Variants in PRH1 observed in about 807,000 individuals in gnomAD.
PRH1 encodes the protein salivary acidic proline-rich phosphoprotein 1/2.
Under a neutral mutation model 7.9 loss-of-function variants are expected in PRH1, and 7 were observed. That is an observed-to-expected ratio of 0.89 (90% CI 0.50 to 1.67). The LOEUF (loss-of-function observed/expected upper bound fraction) is 1.67, where lower values mean the gene tolerates loss of function less well. PRH1 is among the 40% of genes most tolerant of loss of function. The probability of loss-of-function intolerance (pLI) is 0.00; values close to 1 mark genes in which losing one functional copy is unlikely to be tolerated. For missense variants in PRH1, 109 were observed against 223.6 expected (o/e 0.49, Z 3.27); for synonymous variants, 45 against 80.8 (o/e 0.56, Z 2.38).
intron 1 of PRH1, among the ~76,000 whole-genome samples, chr12:11,037,273 T>A (rs1398948233): frequency 1.3e-5 from 2 of 152,230 alleles, no homozygotes; most frequent in East Asian, 3.8e-4. Context: ...TTCTTAGCTA[T>A]GGTGACTAAA....
chr12:10,992,707 CAG>C (rs1382294214), intron 1 of PRH1, among the ~76,000 whole-genome samples: 1 of 152,162 alleles, frequency 6.6e-6, no homozygotes, highest in East Asian at 1.9e-4. Context: ...GCCACCTCAC[CAG>C]TCCTGGAGTA....
intron 1 of PRH1, among the ~76,000 whole-genome samples, chr12:10,993,410 A>G (rs1001310344): frequency 2.6e-5 from 4 of 152,192 alleles, no homozygotes; most frequent in Non-Finnish European, 5.9e-5. Flanking sequence ...GGAAGTGATG[A>G]GTTTCTCAAA....
rs367739908 is a variant in PRH1 at position 10,926,576 on chromosome 12, G to A, written c.-58-42301C>T. ...AAATGATCACTCTGATTGTCGTGAG[G>A]GAACTGATATGGGATGTACTGGGGG... On this transcript the variant is annotated intron_variant, in intron 2 of 3. Coordinates refer to the PRH1 transcript ENST00000539853. Among the ~76,000 whole-genome samples, 32 of 152,268 alleles carry A rather than the reference G, an allele frequency of 2.1e-4. No individual in the cohort carries two copies. The South Asian group carries it at 6.2e-3, about 30-fold the overall frequency.
At chr12:10,997,895 T>TA (rs1411941601) in intron 1 of PRH1, 7 of 1,539,670 alleles carry the variant, frequency 4.5e-6, no homozygotes, top group African/African-American at 2.8e-5. Flanking sequence ...AAAAAGCAAG[T>TA]AAAAAATTCA....
chr12:11,141,176 C>T lies in PRH1; in HGVS notation n.40-19996G>A, dbSNP rs746808856. Among the ~76,000 whole-genome samples the T allele has an allele frequency of 2.0e-5, 3 of 152,102 alleles. No individual in the cohort carries two copies. The East Asian group carries it at 5.8e-4, about 29-fold the overall frequency. Reference sequence around the variant, plus strand: ...AAATAGCCCTATTTTCCCATTTGGGCTTTTTGACCCATTTTCAATATTTAT... The same window carrying T: ...AAATAGCCCTATTTTCCCATTTGGGTTTTTTGACCCATTTTCAATATTTAT... On this transcript the variant is annotated intron_variant and non_coding_transcript_variant, in intron 1 of 1. Transcript: ENST00000541175.
At chr12:11,019,445 C>G (rs1296002067) in intron 1 of PRH1, among the ~76,000 whole-genome samples, 1 of 152,282 alleles carries the variant, frequency 6.6e-6, no homozygotes, top group Non-Finnish European at 1.5e-5. Context: ...GACATTGGCT[C>G]TAGTTTTAGA....
chr12:11,126,924 T>G (rs1238868031), intron 1 of PRH1, among the ~76,000 whole-genome samples: 1 of 151,584 alleles, frequency 6.6e-6, no homozygotes, highest in African/African-American at 2.4e-5. Context: ...ATTACTGTTA[T>G]GGAAAATAAT....
chr12:11,017,098 C>G (rs2136056032), intron 1 of PRH1, among the ~76,000 whole-genome samples: 1 of 152,398 alleles, frequency 6.6e-6, no homozygotes, highest in African/African-American at 2.4e-5. Context: ...GAGCTCCTGG[C>G]AGTTTGCATG....
Position 11,162,234 on chromosome 12 carries a change from C to T in PRH1, n.39+9188G>A, listed in dbSNP as rs999434133. On this transcript the variant is annotated intron_variant and non_coding_transcript_variant, in intron 1 of 1. Transcript: ENST00000541175. ...AGACACAGGGACTAATCAGGAACTT[C>T]CCTGTAAATCCAGGGCAGGCGACTC... 3.3e-5 allele frequency among the ~76,000 whole-genome samples: 5 copies of T among 152,094 alleles called. No homozygotes were observed. In the South Asian group the frequency reaches 1.0e-3, roughly 32 times the overall value.
intron 2 of PRH1, among the ~76,000 whole-genome samples, chr12:10,941,426 C>T (rs1278895453): frequency 6.6e-6 from 1 of 152,168 alleles, no homozygotes; most frequent in East Asian, 1.9e-4. Flanking sequence ...TGTCTTAATC[C>T]ATTTCAGTGT....
At chr12:11,169,578 A>G (rs1947749225) in intron 1 of PRH1, among the ~76,000 whole-genome samples, 1 of 152,132 alleles carries the variant, frequency 6.6e-6, no homozygotes, top group African/African-American at 2.4e-5. Context: ...AAAGAGGAAT[A>G]GAAGACAGAA....
chr12:11,148,266 G>C (rs1434996008), intron 1 of PRH1, among the ~76,000 whole-genome samples: 1 of 151,534 alleles, frequency 6.6e-6, no homozygotes, highest in Non-Finnish European at 1.5e-5. Flanking sequence ...TTTCCTAATT[G>C]AATACCCTTT....
chr12:10,985,952 G>T, intron 1 of PRH1: 1 of 1,596,452 alleles, frequency 6.3e-7, no homozygotes, highest in Non-Finnish European at 8.5e-7. Flanking sequence ...AGAGTTTCAG[G>T]TCTTTTACTC....
intron 2 of PRH1, among the ~76,000 whole-genome samples, chr12:10,968,134 A>G (rs900327079): frequency 7.2e-5 from 11 of 152,202 alleles, no homozygotes; most frequent in African/African-American, 2.7e-4. Flanking sequence ...TAGATTGATC[A>G]TGAAATGGTT....
intron 1 of PRH1, among the ~76,000 whole-genome samples, chr12:11,032,385 A>G (rs1942264111): frequency 6.6e-6 from 1 of 152,214 alleles, no homozygotes. Flanking sequence ...TGCTTTTATC[A>G]AAGGCATCTC....
At chr12:11,134,154 T>G in intron 1 of PRH1, 1 of 1,614,046 alleles carries the variant, frequency 6.2e-7, no homozygotes, top group South Asian at 1.1e-5. Flanking sequence ...TCAATGGAAT[T>G]TACCAATGCT....
At chr12:11,075,750 C>G (rs1352391837) in intron 1 of PRH1, among the ~76,000 whole-genome samples, 1 of 143,496 alleles carries the variant, frequency 7.0e-6, no homozygotes, top group Non-Finnish European at 1.5e-5. Context: ...AACTTTTGCT[C>G]TGAGAAATGC....
chr12:10,986,271 A>C (rs551647200), intron 1 of PRH1: 2 of 1,614,152 alleles, frequency 1.2e-6, no homozygotes, highest in African/African-American at 1.3e-5. Flanking sequence ...ACAGATTAGC[A>C]TCAGAAAAGA....
chr12:11,059,499 A>G (rs534453002), intron 1 of PRH1, among the ~76,000 whole-genome samples: 5 of 150,882 alleles, frequency 3.3e-5, no homozygotes, highest in African/African-American at 1.2e-4. Flanking sequence ...TTTTGTTTAA[A>G]TAATAATCAA....
Sources: allele counts gnomAD v4.1 joint callset (sites outside exome capture counted in the v4.1 genomes callset), GRCh38; gene constraint gnomAD v4.1.1; transcripts MANE v1.5; gene names NCBI Gene and HGNC (gene_info 2026-07-23, HGNC 2026-07-21).